The following NKAIN2 variants were observed in gnomAD, a reference collection of about 807,000 sequenced individuals.
The protein encoded by NKAIN2 is sodium/potassium-transporting ATPase subunit beta-1-interacting protein 2.
NKAIN2 carries 14 observed loss-of-function variants against 32.6 expected under a neutral mutation model. The ratio of observed to expected loss-of-function variants is 0.43; its 90% confidence interval spans 0.28 to 0.67. The LOEUF (loss-of-function observed/expected upper bound fraction) is 0.67. NKAIN2 is among the 30% of genes least tolerant of loss of function. NKAIN2 has a pLI of 0.17. For missense variants in NKAIN2, 198 were observed against 258.3 expected, an observed-to-expected ratio of 0.77 and a Z score of 1.60; for synonymous variants, 80 against 87.2, an observed-to-expected ratio of 0.92 and a Z score of 0.46.
chr6:124,255,473 A>C (rs931417116), intron 1 of NKAIN2, among the ~76,000 whole-genome samples: 6 of 152,344 alleles, frequency 3.9e-5, no homozygotes, highest in Middle Eastern at 6.8e-3. Context: ...ACGCATGTTA[A>C]TTTATGCTGG....
intron 1 of NKAIN2, among the ~76,000 whole-genome samples, chr6:123,835,726 T>C (rs1447663811): frequency 6.6e-6 from 1 of 152,224 alleles, no homozygotes; most frequent in Non-Finnish European, 1.5e-5. Context: ...TGTGTTGTCT[T>C]GGGCTGCTAC....
At chr6:123,978,557 C>T (rs866813421) in intron 1 of NKAIN2, among the ~76,000 whole-genome samples, 1 of 152,146 alleles carries the variant, frequency 6.6e-6, no homozygotes, top group African/African-American at 2.4e-5. Context: ...TACTCTTTCT[C>T]GTAGTCTCCT....
chr6:124,061,898 T>C (rs1168324567), intron 1 of NKAIN2, among the ~76,000 whole-genome samples: 2 of 152,156 alleles, frequency 1.3e-5, no homozygotes, highest in East Asian at 3.9e-4. Flanking sequence ...CATTGATTTA[T>C]CATTCTTAAG....
In NKAIN2 at chr6:123,955,503, G is replaced by A. The variant is rs1777531850; in HGVS notation, c.54+151249G>A. ...AAATTCTTTGTTACTAAAACAATTA[G>A]GTACAGAGTACTGAAGAAAATTGCA... On this transcript the variant is annotated intron_variant, in intron 1 of 6. Transcript: ENST00000368417. Among the ~76,000 whole-genome samples the A allele has an allele frequency of 1.3e-5, 2 of 151,842 alleles. 1 individual carries two copies. The highest frequency in any genetic ancestry group is 4.1e-4 in the South Asian group (2 of 4,820).
intron 4 of NKAIN2, among the ~76,000 whole-genome samples, chr6:124,774,593 C>T (rs148386172): frequency 3.3e-5 from 5 of 152,138 alleles, no homozygotes; most frequent in South Asian, 2.1e-4. Context: ...CGGTGGCTCA[C>T]GCCTGTAATT....
chr6:124,548,045 G>A (rs1393702813), intron 3 of NKAIN2, among the ~76,000 whole-genome samples: 1 of 152,118 alleles, frequency 6.6e-6, no homozygotes, highest in Non-Finnish European at 1.5e-5. Flanking sequence ...TCTTAAAATG[G>A]AACCTCCTTG....
chr6:124,131,429 T>C (rs1786470530), intron 1 of NKAIN2, among the ~76,000 whole-genome samples: 1 of 152,160 alleles, frequency 6.6e-6, no homozygotes, highest in Non-Finnish European at 1.5e-5. Flanking sequence ...GTATAGAAAT[T>C]CACACTGTGA....
At chr6:123,978,740 C>T (rs143788421) in intron 1 of NKAIN2, among the ~76,000 whole-genome samples, 1 of 152,066 alleles carries the variant, frequency 6.6e-6, no homozygotes, top group Non-Finnish European at 1.5e-5. Context: ...TCACATATAT[C>T]TTGTTAAGGC....
intron 3 of NKAIN2, among the ~76,000 whole-genome samples, chr6:124,467,964 G>A (rs1338717242): frequency 6.6e-6 from 1 of 151,992 alleles, no homozygotes. Context: ...TATGTTTGGG[G>A]TAATAGAACT....
intron 3 of NKAIN2, among the ~76,000 whole-genome samples, chr6:124,523,242 C>A (rs1387447496): frequency 6.6e-6 from 1 of 151,842 alleles, no homozygotes; most frequent in Non-Finnish European, 1.5e-5. Flanking sequence ...AGCTTCTATA[C>A]CATGAGTTCA....
chr6:124,285,339 C>T (rs1032895781), intron 2 of NKAIN2, among the ~76,000 whole-genome samples: 3 of 152,184 alleles, frequency 2.0e-5, no homozygotes, highest in Admixed American at 2.0e-4. Context: ...CTGTCTGTGG[C>T]TAAAAGATAA....
chr6:123,935,168 AAAATAAATATATTAAAT>A (rs1449938665), intron 1 of NKAIN2, among the ~76,000 whole-genome samples: 2 of 147,746 alleles, frequency 1.4e-5, no homozygotes, highest in African/African-American at 4.9e-5. Context: ...CATATATTTA[AAAATAAATATATTAAAT>A]AAATAAATAT....
intron 1 of NKAIN2, among the ~76,000 whole-genome samples, chr6:123,903,786 T>C (rs1312143574): frequency 6.6e-6 from 1 of 152,226 alleles, no homozygotes; most frequent in East Asian, 1.9e-4. Flanking sequence ...CTAATTATTA[T>C]TTAACTTGGT....
intron 6 of NKAIN2, among the ~76,000 whole-genome samples, chr6:124,822,812 A>G: frequency 6.6e-6 from 1 of 152,138 alleles, no homozygotes; most frequent in Non-Finnish European, 1.5e-5. Flanking sequence ...CCGTGTCTAC[A>G]GCTTAAGTTT....
At chr6:124,714,225 C>T (rs191367507) in intron 4 of NKAIN2, among the ~76,000 whole-genome samples, 2 of 152,270 alleles carry the variant, frequency 1.3e-5, no homozygotes, top group Admixed American at 1.3e-4. Context: ...CTAAAGCTTC[C>T]CAGTTTTCTT....
At chr6:124,039,817 G>A (rs1214981397) in intron 1 of NKAIN2, among the ~76,000 whole-genome samples, 1 of 151,734 alleles carries the variant, frequency 6.6e-6, no homozygotes, top group Non-Finnish European at 1.5e-5. Flanking sequence ...TCTTTACTTA[G>A]ATTTCTCTCT....
intron 3 of NKAIN2, among the ~76,000 whole-genome samples, chr6:124,605,993 A>T (rs1019177812): frequency 6.6e-6 from 1 of 152,056 alleles, no homozygotes; most frequent in Non-Finnish European, 1.5e-5. Flanking sequence ...TCCTCAGTTT[A>T]ACTCCTTTGG....
At chr6:124,081,962 T>C (rs1328784623) in intron 1 of NKAIN2, among the ~76,000 whole-genome samples, 1 of 152,010 alleles carries the variant, frequency 6.6e-6, no homozygotes, top group African/African-American at 2.4e-5. Context: ...AGGTATTCAA[T>C]AGAACAAAGG....
intron 4 of NKAIN2, among the ~76,000 whole-genome samples, chr6:124,756,448 A>T (rs1777969328): frequency 6.6e-6 from 1 of 152,106 alleles, no homozygotes; most frequent in South Asian, 2.1e-4. Context: ...CAGCCCTGCA[A>T]ATGCCTAGAC....
Sources: allele counts gnomAD v4.1 joint callset (sites outside exome capture counted in the v4.1 genomes callset), GRCh38; gene constraint gnomAD v4.1.1; transcripts MANE v1.5; gene names NCBI Gene and HGNC (gene_info 2026-07-23, HGNC 2026-07-21).